PABPC4: variants seen among roughly 807,000 people sequenced by gnomAD.
The protein encoded by PABPC4 is poly(A) binding protein cytoplasmic 4, also known as polyadenylate-binding protein 4.
In PABPC4, 15 loss-of-function variants were observed where a neutral mutation model predicts 74.5. That is an observed-to-expected ratio of 0.20 (90% CI 0.13 to 0.31). The LOEUF (loss-of-function observed/expected upper bound fraction) is 0.31, where lower values mean the gene tolerates loss of function less well. PABPC4 is among the 10% of genes least tolerant of loss of function. PABPC4 has a pLI of 1.00. For synonymous variants in PABPC4, 345 were observed against 303.0 expected, an observed-to-expected ratio of 1.14 and a Z score of -1.44; for missense variants, 610 against 853.5, an observed-to-expected ratio of 0.71 and a Z score of 3.55.
intron 1 of PABPC4, among the ~76,000 whole-genome samples, chr1:39,575,410 G>A (rs1380675489): frequency 1.3e-5 from 2 of 152,146 alleles, no homozygotes; most frequent in Non-Finnish European, 2.9e-5. Flanking sequence ...GCCTGTGAGG[G>A]GCACAAGCAA....
intron 12 of PABPC4, 99 bp downstream of exon 12, chr1:39,563,515 G>T: frequency 7.2e-7 from 1 of 1,397,618 alleles, no homozygotes. Flanking sequence ...ACACAGAGCA[G>T]GCATTTAATA....
chr1:39,568,939 C>T lies in PABPC4; in HGVS notation c.739G>A (p.Ala247Thr), dbSNP rs756209432. Residue 247 changes from alanine (A) to threonine (T), a missense_variant and splice_region_variant, in exon 6 of 16, where the codon GCT becomes ACT. By Grantham distance (58) the Ala-to-Thr change is moderately conservative. This residue lies in a region of PABPC4 where 304 missense variants were observed against 478.9 expected (regional missense o/e 0.63). Coordinates refer to ENST00000372858, the MANE Select transcript of PABPC4 (RefSeq NM_001135653.2). ...TCTTTTCCATTCATCTCTTCCACAG[C>T]CTAGAGAGGAAAAATATGTCTTTAA... Reference protein sequence around the residue: ...SYEKHEDANKAVEEMNGKEIS... With the variant: ...SYEKHEDANKTVEEMNGKEIS... 1 of 1,607,502 alleles carries T rather than the reference C, an allele frequency of 6.2e-7. No homozygotes were observed. Among genetic ancestry groups the T allele is most frequent in the Non-Finnish European group, 8.5e-7 (1 of 1,177,986 alleles).
In PABPC4 at chr1:39,564,777, T is replaced by TA. The variant is rs781099003; in HGVS notation, c.1246-5dup. The TA allele has an allele frequency of 7.5e-5, 121 of 1,611,210 alleles. No homozygotes were observed. Among genetic ancestry groups the TA allele is most frequent in the Non-Finnish European group, 9.9e-5 (117 of 1,177,436 alleles). On this transcript the variant is annotated splice_region_variant and splice_polypyrimidine_tract_variant and intron_variant, in intron 8 of 15. Coordinates refer to ENST00000372858, the MANE Select transcript of PABPC4 (RefSeq NM_001135653.2). ...AATATGGAGGCCTTCCCTGAGCCTG[T>TA]AAGACAGAAGAATACCCAAACACCC...
intron 7 of PABPC4, among the ~76,000 whole-genome samples, chr1:39,566,567 T>C (rs3768320): frequency 0.64 from 96,735 of 152,112 alleles, 31,857 homozygotes; most frequent in South Asian, 0.88. Context: ...GTGACTGTCA[T>C]TGTTTTATGT....
intron 4 of PABPC4, 73 bp downstream of exon 4, chr1:39,569,790 A>G (rs1239606567): frequency 1.2e-5 from 19 of 1,590,976 alleles, no homozygotes; most frequent in Non-Finnish European, 1.4e-5. Context: ...TCTCTGGAGC[A>G]GTGCCCTCAT....
chr1:39,570,785 G>A (rs1645928566), intron 3 of PABPC4, among the ~76,000 whole-genome samples: 1 of 152,224 alleles, frequency 6.6e-6, no homozygotes, highest in South Asian at 2.1e-4. Flanking sequence ...AGAAAATGGA[G>A]AACCGCGGGG....
At position 39,576,037 on chromosome 1, in the gene PABPC4, G is replaced by GGCCCGC. The variant is rs1291820819; in HGVS notation, c.-92_-87dup. The GGCCCGC allele has an allele frequency of 1.7e-4, 149 of 856,466 alleles. No individual in the cohort carries two copies. The highest frequency in any genetic ancestry group is 2.2e-4 in the Non-Finnish European group (135 of 601,192). The allele number at this position is 856,466 out of a possible 1,614,324, so 53.1% of individuals were successfully genotyped here. On this transcript the variant is annotated 5_prime_UTR_variant, in exon 1 of 16. Coordinates refer to ENST00000372858, the MANE Select transcript of PABPC4 (RefSeq NM_001135653.2). ...GACAAAGGGGCGCCTTCGGAGCCCG[G>GGCCCGC]GCCCGCGCCGCGGCTCACAGGTGGC... is the stretch of plus-strand genomic sequence containing the variant.
chr1:39,564,608 G>A (rs1645808788), intron 9 of PABPC4, 66 bp from the exon 10 acceptor site: 2 of 1,611,090 alleles, frequency 1.2e-6, no homozygotes, highest in African/African-American at 1.3e-5. Context: ...CTGTGCCTCA[G>A]AGTGGGGAAG....
intron 12 of PABPC4, 46 bp from the exon 13 acceptor site, chr1:39,562,462 CA>C: frequency 7.2e-7 from 1 of 1,381,898 alleles, no homozygotes; most frequent in Non-Finnish European, 1.0e-6. Context: ...GAAAGGACAA[CA>C]CCTGATGGTG....
chr1:39,569,367 T>G, intron 5 of PABPC4: 1 of 574,226 alleles, frequency 1.7e-6, no homozygotes. Flanking sequence ...GTCTGTCCTA[T>G]TCTTTCAACA....
chr1:39,569,399 T>C (rs1645902234), intron 5 of PABPC4, 196 bp downstream of exon 5: 1 of 595,708 alleles, frequency 1.7e-6, no homozygotes. Flanking sequence ...AGGTGACAGG[T>C]ATGTGCCAAG....
chr1:39,565,633 T>A (rs183919195), intron 7 of PABPC4, among the ~76,000 whole-genome samples: 54 of 152,116 alleles, frequency 3.5e-4, no homozygotes, highest in African/African-American at 1.3e-3. Flanking sequence ...TTCAAGACCA[T>A]CCTGACCAAC....
chr1:39,576,650 C>T lies in PABPC4; in HGVS notation c.-699G>A, dbSNP rs894639656. On this transcript the variant is annotated 5_prime_UTR_variant, in exon 1 of 16. Transcript: ENST00000372858. ...CGAAAGTGACTTCCCCGCGGGTTCT[C>T]CGAGGATTCGTTTTTTCTTTTCCTT... 5 of 149,162 alleles carry T rather than the reference C, an allele frequency of 3.4e-5. No individual in the cohort carries two copies. Among genetic ancestry groups the T allele is most frequent in the East Asian group, 1.9e-4 (1 of 5,172 alleles). The allele number at this position is 149,162 out of a possible 1,614,324, so 9.2% of individuals were successfully genotyped here.
rs550655097 is a variant in PABPC4 at position 39,567,370 on chromosome 1, G to A, written c.972+381C>T. The A allele has an allele frequency of 7.7e-6, 4 of 520,914 alleles. No individual in the cohort carries two copies. The East Asian group carries it at 1.6e-4, about 21-fold the overall frequency. 32.3% of individuals were successfully genotyped at this position (520,914 alleles called of 1,614,324 possible). ...TCTTCAAAATACCTTCATTCTCAAG[G>A]AGAAAATGTGGCAGAGCTGTAGAGA... is the stretch of plus-strand genomic sequence containing the variant. On this transcript the variant is annotated intron_variant, in intron 7 of 15. Coordinates refer to ENST00000372858, the MANE Select transcript of PABPC4 (RefSeq NM_001135653.2).
intron 1 of PABPC4, chr1:39,573,024 T>C (rs1645965312): frequency 6.4e-6 from 1 of 157,258 alleles, no homozygotes; most frequent in Non-Finnish European, 1.4e-5. Context: ...GTAACTAAGC[T>C]GTGCAGCTAG....
intron 10 of PABPC4, chr1:39,564,199 T>G: frequency 1.6e-6 from 1 of 637,072 alleles, no homozygotes; most frequent in South Asian, 2.0e-5. Flanking sequence ...CAACTAACCT[T>G]TTTCACATAG....
In PABPC4 at chr1:39,576,203, C is replaced by T. The variant is rs1646023872; in HGVS notation, c.-252G>A. 2.5e-6 allele frequency: 1 copy of T among 400,462 alleles called. No individual in the cohort carries two copies. The highest frequency in any genetic ancestry group is 2.1e-5 in the African/African-American group (1 of 48,310). 24.8% of individuals were successfully genotyped at this position (400,462 alleles called of 1,614,324 possible). ...CGGCCCTCCCCGCGACTTTGCACTT[C>T]TCCGCGGTCCTGGTGCGAAGCTCCA... is the stretch of plus-strand genomic sequence containing the variant. On this transcript the variant is annotated 5_prime_UTR_variant, in exon 1 of 16. Transcript: ENST00000372858.
At chr1:39,571,941 C>T (rs1245388913) in intron 2 of PABPC4, among the ~76,000 whole-genome samples, 2 of 152,214 alleles carry the variant, frequency 1.3e-5, no homozygotes, top group Non-Finnish European at 2.9e-5. Context: ...GAAAACAAAA[C>T]ATTTTCCAAG....
intron 7 of PABPC4, chr1:39,567,300 CTCTTTT>C: frequency 2.2e-6 from 1 of 456,896 alleles, no homozygotes; most frequent in Admixed American, 2.5e-5. Flanking sequence ...CCCCTTTCCT[CTCTTTT>C]TAAGACCAGG....
Sources: allele counts gnomAD v4.1 joint callset (sites outside exome capture counted in the v4.1 genomes callset), GRCh38; gene constraint gnomAD v4.1.1; regional missense constraint gnomAD v4.1.1; transcripts MANE v1.5; gene names NCBI Gene and HGNC (gene_info 2026-07-23, HGNC 2026-07-21).